The following PTPN21 variants were observed in gnomAD, a reference collection of about 807,000 sequenced individuals.
The protein encoded by PTPN21 is tyrosine-protein phosphatase non-receptor type 21.
A neutral mutation model predicts 131.8 loss-of-function variants in PTPN21; 77 were observed. The observed-to-expected ratio is 0.58, with a 90% CI of 0.49 to 0.71. The LOEUF is 0.71. Ranked by LOEUF, PTPN21 falls within the 30% of genes least tolerant of loss-of-function variation. The pLI, the probability that PTPN21 is intolerant of heterozygous loss-of-function variation, is 0.00. For synonymous variants in PTPN21, 715 were observed against 621.3 expected, an observed-to-expected ratio of 1.15 and a Z score of -2.24; for missense variants, 1,552 against 1,527.1, an observed-to-expected ratio of 1.02 and a Z score of -0.27.
chr14:88,479,502 G>C lies in PTPN21; in HGVS notation c.1929C>G (p.Leu643=). 1 of 1,601,222 alleles carries C rather than the reference G, an allele frequency of 6.2e-7. No individual in the cohort carries two copies. The highest frequency in any genetic ancestry group is 8.5e-7 in the Non-Finnish European group (1 of 1,179,208). Residue 643 remains leucine (L), a synonymous_variant, in exon 13 of 19, where the codon CTC becomes CTG. Transcript: ENST00000556564. Reference sequence around the variant, plus strand: ...GCCGCAGGCCCTCCAGGCCGTGGCTGAGCCCGGCCACCTCGATGCTGTTCC... The same window carrying C: ...GCCGCAGGCCCTCCAGGCCGTGGCTCAGCCCGGCCACCTCGATGCTGTTCC... The part of the protein sequence containing the change: ...HKRNSIEVAG[L]SHGLEGLRLK...
rs4904451 is a variant in PTPN21, at chr14:88,507,637, T to C, written c.448+286A>G. 8.1e-3 allele frequency among the ~76,000 whole-genome samples: 1,231 copies of C among 152,328 alleles called. 11 individuals are homozygous for C. Among genetic ancestry groups the C allele is most frequent in the Non-Finnish European group, 0.014 (958 of 68,026 alleles). On this transcript the variant is annotated intron_variant, in intron 4 of 18. Transcript: ENST00000556564. ...GAACAAAATGTCATTCGGCATATGA[T>C]TGTACATATGTGTGTGTATACACAC...
At chr14:88,507,854 C>A (rs888364291) in intron 4 of PTPN21, 69 bp downstream of exon 4, 4 of 906,956 alleles carry the variant, frequency 4.4e-6, no homozygotes, top group South Asian at 1.8e-5. Flanking sequence ...ACTTAAAAAT[C>A]CCTTGCTATT....
intron 3 of PTPN21, among the ~76,000 whole-genome samples, chr14:88,511,596 G>C (rs2078184731): frequency 6.6e-6 from 1 of 152,136 alleles, no homozygotes; most frequent in Admixed American, 6.5e-5. Context: ...TTGAACCCAG[G>C]AGTCGGATGT....
intron 15 of PTPN21, 80 bp from the exon 16 acceptor site, chr14:88,470,130 TA>T: frequency 7.0e-7 from 1 of 1,434,736 alleles, no homozygotes; most frequent in Non-Finnish European, 9.5e-7. Context: ...ATGGTAGTAC[TA>T]AAAAAGTTTT....
At position 88,531,702 on chromosome 14, in the gene PTPN21, A is replaced by C. The variant is rs567139615; in HGVS notation, c.181-14441T>G. Among the ~76,000 whole-genome samples, 5 of 152,298 alleles carry C rather than the reference A, an allele frequency of 3.3e-5. No individual in the cohort carries two copies. In the South Asian group the frequency reaches 1.0e-3, roughly 32 times the overall value. On this transcript the variant is annotated intron_variant, in intron 2 of 18. Coordinates refer to ENST00000556564, the MANE Select transcript of PTPN21 (RefSeq NM_007039.4). ...AGCACACAGACAATCTATGCTCACA[A>C]CTCAAGGAACTAGAGAAACAAGAAC...
At chr14:88,471,537 C>T (rs1004771425) in intron 15 of PTPN21, among the ~76,000 whole-genome samples, 2 of 152,084 alleles carry the variant, frequency 1.3e-5, no homozygotes, top group Non-Finnish European at 2.9e-5. Flanking sequence ...TATCTCTCAC[C>T]ATAAACATTA....
intron 10 of PTPN21, chr14:88,492,907 A>G: frequency 2.9e-6 from 1 of 344,052 alleles, no homozygotes; most frequent in Non-Finnish European, 5.7e-6. Context: ...GAGGAAGAGG[A>G]GACCCTGCCC....
chr14:88,522,821 C>T (rs1212813469), intron 2 of PTPN21, among the ~76,000 whole-genome samples: 2 of 152,104 alleles, frequency 1.3e-5, no homozygotes, highest in Non-Finnish European at 2.9e-5. Context: ...AATCAAGTCA[C>T]AACATCTGAT....
In PTPN21 at chr14:88,478,911, G is replaced by C. The variant is rs2077587588; in HGVS notation, c.2511+9C>G. 6.8e-7 allele frequency: 1 copy of C among 1,464,902 alleles called. No homozygotes were observed. Among genetic ancestry groups the C allele is most frequent in the Non-Finnish European group, 9.0e-7 (1 of 1,109,372 alleles). The allele number at this position is 1,464,902 out of a possible 1,614,324, so 90.7% of individuals were successfully genotyped here. A position where few individuals can be genotyped will look rare whatever the true frequency, so the allele number is the denominator to read the frequency against. On this transcript the variant is annotated intron_variant, in intron 13 of 18. Transcript: ENST00000556564. Reference sequence around the variant, plus strand: ...CCCCTGGCCCGGCACTGCTCGCCGCGTGGCTTACCCCTAGAGGCGGGAGCC... The same window carrying C: ...CCCCTGGCCCGGCACTGCTCGCCGCCTGGCTTACCCCTAGAGGCGGGAGCC...
In PTPN21 at chr14:88,479,931, T is replaced by C. The variant is rs760918472; in HGVS notation, c.1500A>G (p.Ala500=). 2 of 1,605,314 alleles carry C rather than the reference T, an allele frequency of 1.2e-6. No homozygotes were observed. The highest frequency in any genetic ancestry group is 1.7e-6 in the Non-Finnish European group (2 of 1,179,576). ...VYSQPEIREH[A]QLPSPAAAHC... is the part of the protein sequence containing the mutation. Reference sequence around the variant, plus strand: ...GTGCGGCCGCTGGCGAGGGGAGCTGTGCGTGCTCGCGGATCTCGGGCTGGC... The same window carrying C: ...GTGCGGCCGCTGGCGAGGGGAGCTGCGCGTGCTCGCGGATCTCGGGCTGGC... The change falls in exon 13 of 19, where the codon GCA becomes GCG. Residue 500 remains alanine (A), a synonymous_variant. Coordinates refer to ENST00000556564, the MANE Select transcript of PTPN21 (RefSeq NM_007039.4).
intron 9 of PTPN21, 73 bp downstream of exon 9, chr14:88,497,130 T>C (rs767246959): frequency 1.1e-5 from 13 of 1,176,896 alleles, no homozygotes; most frequent in Admixed American, 3.4e-5. Flanking sequence ...TCCAAACACA[T>C]ACAGGCACGC....
chr14:88,508,142 T>TTG (rs758036119), intron 3 of PTPN21, 122 bp from the exon 4 acceptor site: 193 of 484,598 alleles, frequency 4.0e-4, no homozygotes, highest in Non-Finnish European at 5.9e-4. Flanking sequence ...TCCCACATGG[T>TTG]TGTGTGTGTT....
chr14:88,503,846 G>A (rs1387589560), intron 6 of PTPN21: 1 of 152,348 alleles, frequency 6.6e-6, no homozygotes, highest in Non-Finnish European at 1.5e-5. Flanking sequence ...ATAAGACTTA[G>A]CATTATCCAG....
In PTPN21 at chr14:88,467,127, C is replaced by A. The variant is rs890958693; in HGVS notation, c.*1010G>T. On this transcript the variant is annotated 3_prime_UTR_variant, in exon 19 of 19. Coordinates refer to ENST00000556564, the MANE Select transcript of PTPN21 (RefSeq NM_007039.4). Reference sequence around the variant, plus strand: ...TGCATTTTTGTAAAGACGAAGGCATCCTGCATTTACCATCACACTCCACCT... The same window carrying A: ...TGCATTTTTGTAAAGACGAAGGCATACTGCATTTACCATCACACTCCACCT... The A allele has an allele frequency of 6.6e-6, 1 of 152,168 alleles. No homozygotes were observed. Among genetic ancestry groups the A allele is most frequent in the Non-Finnish European group, 1.5e-5 (1 of 68,056 alleles). The allele number at this position is 152,168 out of a possible 1,614,324, so 9.4% of individuals were successfully genotyped here. A position where few individuals can be genotyped will look rare whatever the true frequency, so the allele number is the denominator to read the frequency against.
chr14:88,484,964 A>G, intron 12 of PTPN21, 112 bp downstream of exon 12: 1 of 789,878 alleles, frequency 1.3e-6, no homozygotes, highest in Non-Finnish European at 2.2e-6. Context: ...TCATGATGCA[A>G]TTTGGGGTGC....
intron 2 of PTPN21, among the ~76,000 whole-genome samples, chr14:88,540,416 T>C (rs144030235): frequency 2.4e-4 from 37 of 152,308 alleles, no homozygotes; most frequent in African/African-American, 8.9e-4. Flanking sequence ...CCATATCACA[T>C]ACAAAAGAAA....
rs74075973 is a variant in PTPN21 at position 88,496,296 on chromosome 14, T to C, written c.932+117A>G. On this transcript the variant is annotated intron_variant, in intron 10 of 18. Coordinates refer to ENST00000556564, the MANE Select transcript of PTPN21 (RefSeq NM_007039.4). ...CAAAGCTAAAATAGGAAAACAGCTA[T>C]AGGATCAAGAAAAGATGTCAACTGA... The C allele has an allele frequency of 9.2e-3, 8,250 of 893,682 alleles. 460 individuals carry two copies. The African/African-American group carries it at 0.12, about 13-fold the overall frequency. The allele number at this position is 893,682 out of a possible 1,614,324, so 55.4% of individuals were successfully genotyped here.
chr14:88,517,326 G>T, intron 2 of PTPN21, 65 bp from the exon 3 acceptor site: 4 of 1,543,108 alleles, frequency 2.6e-6, no homozygotes, highest in Non-Finnish European at 3.6e-6. Flanking sequence ...GACTTCAGTC[G>T]CACTAATCCC....
intron 2 of PTPN21, among the ~76,000 whole-genome samples, chr14:88,545,112 C>T (rs10143948): frequency 0.24 from 36,123 of 152,040 alleles, 4,460 homozygotes; most frequent in East Asian, 0.32. Flanking sequence ...TGGGATTACA[C>T]GCGTGAGCCA....
Sources: gnomAD v4.1 joint callset for allele counts (sites outside exome capture counted in the v4.1 genomes callset) on GRCh38, gnomAD v4.1.1 for gene constraint, MANE v1.5 for transcripts, NCBI Gene and HGNC (gene_info 2026-07-23, HGNC 2026-07-21) for gene names.